Variants in ADGRF5 observed in about 807,000 individuals in gnomAD.
ADGRF5 encodes the protein G-protein coupled receptor 116.
Under a neutral mutation model 132.3 loss-of-function variants are expected in ADGRF5, and 75 were observed. The observed-to-expected ratio is 0.57, with a 90% CI of 0.47 to 0.69. ADGRF5 has a LOEUF of 0.69. Among genes scored for constraint, ADGRF5 ranks in the 30% least tolerant of loss-of-function variants. The pLI is 0.00. For missense variants in ADGRF5, 1,516 were observed against 1,630.6 expected (o/e 0.93, Z 1.21); for synonymous variants, 629 against 597.6 (o/e 1.05, Z -0.77).
At chr6:46,890,910 G>C (rs928521448) in intron 3 of ADGRF5, among the ~76,000 whole-genome samples, 11 of 152,224 alleles carry the variant, frequency 7.2e-5, no homozygotes, top group South Asian at 6.2e-4. Flanking sequence ...TACTAAAATA[G>C]AGTAAGTTTA....
chr6:46,911,016 C>A (rs1222235657), intron 1 of ADGRF5, among the ~76,000 whole-genome samples: 1 of 152,178 alleles, frequency 6.6e-6, no homozygotes, highest in East Asian at 1.9e-4. Context: ...TCATAACTAT[C>A]TTGCATTTAT....
chr6:46,953,655 A>ATATATATATG (rs1554131426), intron 1 of ADGRF5, among the ~76,000 whole-genome samples: 5 of 22,076 alleles, frequency 2.3e-4, no homozygotes, highest in Non-Finnish European at 3.4e-4. Flanking sequence ...ATATGTGTAT[A>ATATATATATG]TATATATATA....
intron 1 of ADGRF5, among the ~76,000 whole-genome samples, chr6:46,918,056 A>G (rs1037855732): frequency 6.6e-6 from 1 of 152,218 alleles, no homozygotes; most frequent in Non-Finnish European, 1.5e-5. Flanking sequence ...TGATTCTACT[A>G]GGCTGTAATT....
At chr6:46,876,287 C>G (rs1022086120) in intron 10 of ADGRF5, among the ~76,000 whole-genome samples, 1 of 152,236 alleles carries the variant, frequency 6.6e-6, no homozygotes, top group Non-Finnish European at 1.5e-5. Flanking sequence ...TCATCCCGCT[C>G]TAAGCATCTG....
In ADGRF5 at chr6:46,872,003, C is replaced by G. The variant is rs747891910; in HGVS notation, c.1251G>C (p.Glu417Asp). ...TGCTGCAGCTAGAATCTATGTCTGT[C>G]TCAGGGGTTCCTATAATGAGAAGCA... The part of the protein sequence containing the change: ...EGKINIPGTP[E>D]TDIDSSCSRY... Residue 417 changes from glutamate (E) to aspartate (D), a missense_variant, in exon 11 of 21, where the codon GAG becomes GAC. This residue lies in a region of ADGRF5 where 945 missense variants were observed against 929.4 expected (regional missense o/e 1.02). Coordinates refer to ENST00000283296, the MANE Select transcript of ADGRF5 (RefSeq NM_001098518.2). 6.3e-7 allele frequency: 1 copy of G among 1,596,180 alleles called. No homozygotes were observed. The highest frequency in any genetic ancestry group is 8.6e-7 in the Non-Finnish European group (1 of 1,167,120).
In ADGRF5 at chr6:46,893,440, G is replaced by A. The variant is rs996574524; in HGVS notation, c.158-4935C>T. ...GCAGCTTAGATGCTCAGCGATCAGC[G>A]TGACCCACATAGCGGTGGGGTCAGA... On this transcript the variant is annotated intron_variant, in intron 3 of 20. Transcript: ENST00000283296. Among the ~76,000 whole-genome samples the A allele has an allele frequency of 6.6e-5, 10 of 152,122 alleles. No individual in the cohort carries two copies. In the South Asian group the frequency reaches 1.2e-3, roughly 19 times the overall value.
At chr6:46,889,830 G>T (rs1458789681) in intron 3 of ADGRF5, among the ~76,000 whole-genome samples, 1 of 149,970 alleles carries the variant, frequency 6.7e-6, no homozygotes. Flanking sequence ...TCATGTCTGG[G>T]CCACAGTTTT....
At chr6:46,890,218 G>A (rs974070492) in intron 3 of ADGRF5, among the ~76,000 whole-genome samples, 4 of 151,882 alleles carry the variant, frequency 2.6e-5, no homozygotes, top group Admixed American at 6.5e-5. Context: ...TCAGCCTCCC[G>A]AGGAGCTGGG....
At position 46,852,931 on chromosome 6, in the gene ADGRF5, C is replaced by T. The variant is rs990293509; in HGVS notation, c.*1061G>A. The T allele has an allele frequency of 7.9e-5, 12 of 152,638 alleles. No homozygotes were observed. Among genetic ancestry groups the T allele is most frequent in the Non-Finnish European group, 1.5e-4 (10 of 68,016 alleles). The allele number at this position is 152,638 out of a possible 1,614,324, so 9.5% of individuals were successfully genotyped here. A position where few individuals can be genotyped will look rare whatever the true frequency, so the allele number is the denominator to read the frequency against. Reference sequence around the variant, plus strand: ...CAGTGACAACAGCAATAATAATATACAATGCTATAAGATTATTAAAATCTA... The same window carrying T: ...CAGTGACAACAGCAATAATAATATATAATGCTATAAGATTATTAAAATCTA... On this transcript the variant is annotated 3_prime_UTR_variant, in exon 21 of 21. Coordinates refer to ENST00000283296, the MANE Select transcript of ADGRF5 (RefSeq NM_001098518.2).
chr6:46,864,336 C>T (rs11966162), intron 14 of ADGRF5, among the ~76,000 whole-genome samples: 1 of 152,032 alleles, frequency 6.6e-6, no homozygotes, highest in Non-Finnish European at 1.5e-5. Context: ...TGCCTATTCT[C>T]GAGATTAATT....
At chr6:46,864,270 A>G (rs539550680) in intron 14 of ADGRF5, among the ~76,000 whole-genome samples, 24 of 152,286 alleles carry the variant, frequency 1.6e-4, no homozygotes, top group South Asian at 4.1e-4. Context: ...TTTCACCTCA[A>G]AGATATTATG....
At chr6:46,921,501 A>G (rs773308083) in intron 1 of ADGRF5, among the ~76,000 whole-genome samples, 10 of 152,214 alleles carry the variant, frequency 6.6e-5, no homozygotes, top group Non-Finnish European at 1.0e-4. Context: ...CTCCTTTAAT[A>G]TAGTCTCATT....
intron 10 of ADGRF5, among the ~76,000 whole-genome samples, chr6:46,877,297 C>CCT (rs1562174843): frequency 1.4e-4 from 13 of 95,162 alleles, no homozygotes; most frequent in South Asian, 3.6e-4. Flanking sequence ...CTTTCTCTCT[C>CCT]TCTCTCTCTT....
chr6:46,953,674 T>C lies in ADGRF5; in HGVS notation c.-25+1060A>G, dbSNP rs909142354. Among the ~76,000 whole-genome samples the C allele has an allele frequency of 1.8e-4, 25 of 135,528 alleles. 1 individual carries two copies. Among genetic ancestry groups the C allele is most frequent in the African/African-American group, 6.3e-4 (22 of 34,952 alleles). 88.9% of individuals were successfully genotyped at this position (135,528 alleles called of 152,430 possible). On this transcript the variant is annotated intron_variant, in intron 1 of 20. Transcript: ENST00000265417. ...GTGTATATATATATATATATATATA[T>C]ATATATATATATATATCTCACTGAC... is the stretch of plus-strand genomic sequence containing the variant.
At chr6:46,947,097 C>A (rs901546973) in intron 1 of ADGRF5, among the ~76,000 whole-genome samples, 1 of 152,150 alleles carries the variant, frequency 6.6e-6, no homozygotes. Flanking sequence ...TCTGGTTTCT[C>A]TTAGTACCTA....
chr6:46,858,490 C>A lies in ADGRF5; in HGVS notation c.3413G>T (p.Cys1138Phe), dbSNP rs764710950. The change falls in exon 17 of 21, where the codon TGC (cysteine) becomes TTC (phenylalanine). Residue 1138 changes from cysteine (C) to phenylalanine (F), a missense_variant. Physicochemically the swap from Cys to Phe is radical, Grantham distance 205 (BLOSUM62 -2). Around this residue, in one of 2 missense-constraint regions of ADGRF5, gnomAD observed 571 missense variants for 701.2 expected, o/e 0.81. Coordinates refer to ENST00000283296, the MANE Select transcript of ADGRF5 (RefSeq NM_001098518.2). ...KAIAFCLGYG[C>F]PLAISVITLG... ...CGTGATGACCGAGATGGCAAGTGGG[C>A]AGCCATAGCCAAGACAGAAGGCAAT... 6.8e-6 allele frequency: 11 copies of A among 1,613,720 alleles called. No individual in the cohort carries two copies. Among genetic ancestry groups the A allele is most frequent in the Middle Eastern group, 3.3e-4 (2 of 6,076 alleles).
intron 14 of ADGRF5, among the ~76,000 whole-genome samples, chr6:46,864,497 A>G (rs1345412638): frequency 1.3e-5 from 2 of 150,630 alleles, no homozygotes; most frequent in African/African-American, 4.9e-5. Flanking sequence ...CAACATTTCT[A>G]TTTAGCTCTT....
chr6:46,947,476 G>A (rs998725447), intron 1 of ADGRF5, among the ~76,000 whole-genome samples: 8 of 152,148 alleles, frequency 5.3e-5, no homozygotes, highest in African/African-American at 1.7e-4. Flanking sequence ...GCACATCTGC[G>A]GGTGCACACC....
intron 12 of ADGRF5, among the ~76,000 whole-genome samples, chr6:46,868,073 C>T (rs1203155067): frequency 6.6e-6 from 1 of 152,082 alleles, no homozygotes; most frequent in Admixed American, 6.5e-5. Flanking sequence ...GTTGCCTAGG[C>T]CTTATATGAA....
Sources: gnomAD v4.1 joint callset for allele counts (sites outside exome capture counted in the v4.1 genomes callset) on GRCh38, gnomAD v4.1.1 for gene constraint, gnomAD v4.1.1 regional missense constraint, MANE v1.5 for transcripts, NCBI Gene and HGNC (gene_info 2026-07-23, HGNC 2026-07-21) for gene names.